EXOC6B: variants seen among roughly 807,000 people sequenced by gnomAD.
EXOC6B encodes exocyst complex component 6B, also known as SEC15 homolog B.
Under a neutral mutation model 113.5 loss-of-function variants are expected in EXOC6B, and 54 were observed. The observed-to-expected ratio is 0.48, with a 90% CI of 0.38 to 0.60. The LOEUF is 0.60. EXOC6B is among the 20% of genes least tolerant of loss of function. The pLI is 0.00. For missense variants in EXOC6B, 797 were observed against 977.5 expected (o/e 0.82, Z 2.46); for synonymous variants, 357 against 339.0 (o/e 1.05, Z -0.58).
chr2:72,617,209 C>G (rs1046031463), intron 6 of EXOC6B, among the ~76,000 whole-genome samples: 1 of 152,204 alleles, frequency 6.6e-6, no homozygotes, highest in African/African-American at 2.4e-5. Context: ...TATAGCCCCC[C>G]TCCTGGCTGC....
At chr2:72,284,194 A>G (rs1685292047) in intron 20 of EXOC6B, among the ~76,000 whole-genome samples, 1 of 152,174 alleles carries the variant, frequency 6.6e-6, no homozygotes. Context: ...ACATATCAAT[A>G]TCACTCATAA....
chr2:72,522,013 A>T (rs1273293795), intron 8 of EXOC6B, among the ~76,000 whole-genome samples: 12 of 152,120 alleles, frequency 7.9e-5, no homozygotes, highest in Non-Finnish European at 1.0e-4. Context: ...AGTTTTTTAT[A>T]TTGAATCCAT....
At chr2:72,512,433 A>C (rs1462030367) in intron 11 of EXOC6B, among the ~76,000 whole-genome samples, 1 of 149,678 alleles carries the variant, frequency 6.7e-6, no homozygotes, top group Non-Finnish European at 1.5e-5. Context: ...GGAAAGAAGG[A>C]AGGAAGGAAG....
intron 6 of EXOC6B, among the ~76,000 whole-genome samples, chr2:72,588,878 A>C (rs1275423934): frequency 6.6e-6 from 1 of 152,054 alleles, no homozygotes; most frequent in Admixed American, 6.6e-5. Context: ...AGAATTCTTT[A>C]GTGAATTTGA....
chr2:72,681,895 C>T lies in EXOC6B; in HGVS notation c.669+36208G>A, dbSNP rs112209524. Among the ~76,000 whole-genome samples, 23 of 151,590 alleles carry T rather than the reference C, an allele frequency of 1.5e-4. 2 individuals carry two copies. The highest frequency in any genetic ancestry group is 4.6e-4 in the African/African-American group (19 of 41,358). On this transcript the variant is annotated intron_variant, in intron 6 of 21. Coordinates refer to ENST00000272427, the MANE Select transcript of EXOC6B (RefSeq NM_015189.3). ...AAATCACTAAAAATGCTTTTGCTGT[C>T]ATTTAAAATGACAACTCTTCCACTA...
At chr2:72,555,911 G>A (rs1449368540) in intron 8 of EXOC6B, among the ~76,000 whole-genome samples, 2 of 152,124 alleles carry the variant, frequency 1.3e-5, no homozygotes, top group Non-Finnish European at 2.9e-5. Context: ...CTCCCAAACT[G>A]CTGGGATTAC....
intron 20 of EXOC6B, among the ~76,000 whole-genome samples, chr2:72,236,519 C>T (rs1681969126): frequency 2.0e-5 from 3 of 152,048 alleles, no homozygotes; most frequent in Admixed American, 2.0e-4. Context: ...AGACAGCTAC[C>T]AATAAATTCA....
chr2:72,822,654 A>AT (rs1168988509), intron 1 of EXOC6B, among the ~76,000 whole-genome samples: 4 of 137,512 alleles, frequency 2.9e-5, no homozygotes, highest in Non-Finnish European at 6.2e-5. Flanking sequence ...AGCCAAGTGG[A>AT]TTTTTTTGAA....
intron 20 of EXOC6B, among the ~76,000 whole-genome samples, chr2:72,184,420 T>C (rs1678288475): frequency 6.6e-6 from 1 of 152,202 alleles, no homozygotes; most frequent in South Asian, 2.1e-4. Context: ...TTGCTAAGAC[T>C]ATATGCCAGC....
intron 18 of EXOC6B, among the ~76,000 whole-genome samples, chr2:72,458,678 G>T (rs928561506): frequency 6.6e-6 from 1 of 152,052 alleles, no homozygotes; most frequent in Non-Finnish European, 1.5e-5. Context: ...AAACAAAAGA[G>T]GGGGAAATAA....
chr2:72,179,820 G>C (rs1045470223), intron 21 of EXOC6B, among the ~76,000 whole-genome samples: 3 of 152,180 alleles, frequency 2.0e-5, no homozygotes, highest in African/African-American at 7.2e-5. Flanking sequence ...AGCCCTTATA[G>C]AATGTCTAGG....
chr2:72,469,526 CTT>C (rs1477374427), intron 17 of EXOC6B, among the ~76,000 whole-genome samples: 2 of 152,032 alleles, frequency 1.3e-5, no homozygotes, highest in African/African-American at 4.8e-5. Flanking sequence ...AAATATTTCT[CTT>C]GAGACTTTTT....
At chr2:72,553,976 T>C (rs1030728313) in intron 8 of EXOC6B, among the ~76,000 whole-genome samples, 1 of 152,244 alleles carries the variant, frequency 6.6e-6, no homozygotes, top group African/African-American at 2.4e-5. Context: ...GGTGAAATCA[T>C]TGAAGCTTTA....
chr2:72,684,489 G>T (rs942618807), intron 6 of EXOC6B, among the ~76,000 whole-genome samples: 1 of 152,114 alleles, frequency 6.6e-6, no homozygotes, highest in Non-Finnish European at 1.5e-5. Flanking sequence ...CAAGAGAAAT[G>T]AAACATATAT....
chr2:72,264,563 C>A (rs549514159), intron 20 of EXOC6B, among the ~76,000 whole-genome samples: 4 of 152,064 alleles, frequency 2.6e-5, no homozygotes, highest in African/African-American at 9.7e-5. Context: ...GAGCGAAATT[C>A]TGCCTCAAAC....
At chr2:72,449,172 T>C (rs1279742409) in intron 18 of EXOC6B, among the ~76,000 whole-genome samples, 3 of 152,174 alleles carry the variant, frequency 2.0e-5, no homozygotes, top group Admixed American at 2.0e-4. Flanking sequence ...TTCCAATTTG[T>C]CCTACAGCAT....
At chr2:72,231,169 C>T (rs1681597373) in intron 20 of EXOC6B, among the ~76,000 whole-genome samples, 1 of 152,142 alleles carries the variant, frequency 6.6e-6, no homozygotes, top group South Asian at 2.1e-4. Context: ...TATACACTCC[C>T]TCTCTTTCTC....
chr2:72,502,130 T>C (rs1700358155), intron 11 of EXOC6B, among the ~76,000 whole-genome samples: 1 of 152,222 alleles, frequency 6.6e-6, no homozygotes, highest in Non-Finnish European at 1.5e-5. Context: ...CAAATAATAA[T>C]ACGTCATTTA....
rs749874534 is a variant in EXOC6B, at chr2:72,480,746, A to G, written c.1670T>C (p.Val557Ala). The G allele has an allele frequency of 1.3e-6, 2 of 1,599,020 alleles. No homozygotes were observed. The highest frequency in any genetic ancestry group is 2.2e-5 in the East Asian group (1 of 44,654). Reference protein sequence around the residue: ...KRKNIGLTELVQIIINTTHLE... With the variant: ...KRKNIGLTELAQIIINTTHLE... Reference sequence around the variant, plus strand: ...ATGTGTTGTATTGATAATAATCTGAACAAGCTAGAAAACAACAAACACATG... The same window carrying G: ...ATGTGTTGTATTGATAATAATCTGAGCAAGCTAGAAAACAACAAACACATG... Residue 557 changes from valine (V) to alanine (A), a missense_variant, in exon 17 of 22, where the codon GTT becomes GCT. By Grantham distance (64) the Val-to-Ala change is moderately conservative. Coordinates refer to ENST00000272427, the MANE Select transcript of EXOC6B (RefSeq NM_015189.3).
Sources: allele counts gnomAD v4.1 joint callset (sites outside exome capture counted in the v4.1 genomes callset), GRCh38; gene constraint gnomAD v4.1.1; transcripts MANE v1.5; gene names NCBI Gene and HGNC (gene_info 2026-07-23, HGNC 2026-07-21).